URB1: variants seen among roughly 807,000 people sequenced by gnomAD.
The protein encoded by URB1 is URB1 ribosome biogenesis factor.
In URB1, 197 loss-of-function variants were observed where a neutral mutation model predicts 242.3. The observed-to-expected ratio is 0.81, with a 90% CI of 0.72 to 0.91. URB1 has a LOEUF of 0.91. URB1 is among the 40% of genes least tolerant of loss of function. The pLI, the probability that URB1 is intolerant of heterozygous loss-of-function variation, is 0.00. For missense variants in URB1, 2,721 were observed against 2,860.5 expected, an observed-to-expected ratio of 0.95 and a Z score of 1.11; for synonymous variants, 1,153 against 1,201.8, an observed-to-expected ratio of 0.96 and a Z score of 0.84.
At chr21:32,383,963 T>A (rs2033554191) in intron 3 of URB1, among the ~76,000 whole-genome samples, 1 of 152,194 alleles carries the variant, frequency 6.6e-6, no homozygotes, top group Non-Finnish European at 1.5e-5. Context: ...TCTGAGCACC[T>A]GCTACATGCA....
intron 26 of URB1, among the ~76,000 whole-genome samples, chr21:32,337,821 C>T (rs1282616338): frequency 6.6e-6 from 1 of 151,928 alleles, no homozygotes; most frequent in Admixed American, 6.6e-5. Context: ...CCGCGCCCAG[C>T]CCCCCACGTG....
intron 9 of URB1, among the ~76,000 whole-genome samples, chr21:32,367,477 T>C (rs544243374): frequency 4.6e-5 from 7 of 152,178 alleles, no homozygotes; most frequent in Non-Finnish European, 1.0e-4. Context: ...GTTTTATAGA[T>C]AATGCCAGGC....
intron 35 of URB1, 27 bp downstream of exon 35, chr21:32,320,504 C>G (rs906786873): frequency 2.6e-5 from 38 of 1,481,298 alleles, no homozygotes; most frequent in Non-Finnish European, 3.4e-5. Context: ...CCACCTGACG[C>G]GCACCTCGCA....
chr21:32,349,322 C>T lies in URB1; in HGVS notation c.2994G>A (p.Leu998=). The T allele has an allele frequency of 6.5e-7, 1 of 1,546,106 alleles. No individual in the cohort carries two copies. The highest frequency in any genetic ancestry group is 8.7e-7 in the Non-Finnish European group (1 of 1,144,338). The change falls in exon 21 of 39, where the codon CTG becomes CTA. Residue 998 remains leucine (L), a synonymous_variant. Coordinates refer to ENST00000382751, the MANE Select transcript of URB1 (RefSeq NM_014825.3). ...LFLDMESVAS[L]ELANDQTLEE... is the part of the protein sequence containing the mutation. ...GCGGTACCTGATCATTGGCCAACTC[C>T]AGCGAGGCCACGGACTCCATGTCCA...
At chr21:32,348,366 T>TA (rs2033118609) in intron 21 of URB1, among the ~76,000 whole-genome samples, 1 of 152,130 alleles carries the variant, frequency 6.6e-6, no homozygotes, top group Non-Finnish European at 1.5e-5. Context: ...ACCGTGTGTC[T>TA]ACGATCCTGA....
chr21:32,318,870 A>C (rs2032726038), intron 36 of URB1, among the ~76,000 whole-genome samples: 2 of 152,214 alleles, frequency 1.3e-5, no homozygotes, highest in Non-Finnish European at 2.9e-5. Flanking sequence ...TCTTTCTAAG[A>C]AACATCACTT....
intron 21 of URB1, among the ~76,000 whole-genome samples, chr21:32,348,107 G>A (rs138122755): frequency 1.3e-5 from 2 of 152,336 alleles, no homozygotes; most frequent in African/African-American, 4.8e-5. Context: ...TTGCGAGCAC[G>A]TGTCTGAAGA....
At chr21:32,345,258 T>C in intron 23 of URB1, 116 bp downstream of exon 23, 3 of 1,147,684 alleles carry the variant, frequency 2.6e-6, no homozygotes, top group Non-Finnish European at 3.7e-6. Context: ...AGGAACTGCC[T>C]GATCACAGAT....
intron 30 of URB1, among the ~76,000 whole-genome samples, chr21:32,329,858 G>A (rs2032873290): frequency 6.6e-6 from 1 of 152,192 alleles, no homozygotes; most frequent in Admixed American, 6.5e-5. Flanking sequence ...TCTCACAAAT[G>A]TAACATGGGA....
At chr21:32,340,694 A>G (rs2033019757) in intron 25 of URB1, among the ~76,000 whole-genome samples, 2 of 152,214 alleles carry the variant, frequency 1.3e-5, no homozygotes, top group African/African-American at 4.8e-5. Flanking sequence ...CCACACTAAA[A>G]GCTAGTAAGT....
chr21:32,380,149 A>G (rs1484582247), intron 4 of URB1, among the ~76,000 whole-genome samples: 1 of 152,112 alleles, frequency 6.6e-6, no homozygotes, highest in Non-Finnish European at 1.5e-5. Flanking sequence ...TCAGGGTGCA[A>G]GGACCATACT....
chr21:32,325,566 T>C (rs1218660599), intron 30 of URB1, among the ~76,000 whole-genome samples, 177 bp from the exon 31 acceptor site: 1 of 152,216 alleles, frequency 6.6e-6, no homozygotes, highest in Admixed American at 6.5e-5. Flanking sequence ...AAAAAACCTC[T>C]TCCTTTATGT....
intron 24 of URB1, among the ~76,000 whole-genome samples, chr21:32,342,817 C>T (rs548045398): frequency 6.6e-6 from 1 of 152,144 alleles, no homozygotes; most frequent in East Asian, 1.9e-4. Context: ...ACATAAATGG[C>T]CAAGTGTGCA....
At position 32,352,805 on chromosome 21, in the gene URB1, G is replaced by T. The variant is rs773405856; in HGVS notation, c.2518C>A (p.Leu840Ile). The part of the protein sequence containing the change: ...LCLLLQAYDK[L>I]EPPCLVPCCQ... ...CAAGGCACCAGGCATGGAGGCTCAA[G>T]CTTATCATATGCCTGGAGCAGGAGA... is the stretch of plus-strand genomic sequence containing the variant. The change falls in exon 19 of 39, where the codon CTT becomes ATT. Residue 840 changes from leucine (L) to isoleucine (I), a missense_variant. By Grantham distance (5) the Leu-to-Ile change is conservative (BLOSUM62 2). Transcript: ENST00000382751. 3 of 1,551,608 alleles carry T rather than the reference G, an allele frequency of 1.9e-6. No homozygotes were observed. The highest frequency in any genetic ancestry group is 2.7e-5 in the African/African-American group (2 of 73,038).
rs1163967014 is a variant in URB1, at chr21:32,392,785, CG to C, written c.125del (p.Pro42ArgfsTer31). ...CGGACTCACCTGGCCCGGGGCCCTG[CG>C]GGTCCTTCAGCTGAGCCTTGAACCG... is the stretch of plus-strand genomic sequence containing the variant. ...GVRFKAQLKD[P>X]QGPGPGLEAF... On this transcript the variant is annotated frameshift_variant, in exon 1 of 39. Coordinates refer to ENST00000382751, the MANE Select transcript of URB1 (RefSeq NM_014825.3). LOFTEE classifies it high-confidence loss of function. The C allele has an allele frequency of 6.7e-7, 1 of 1,489,804 alleles. No homozygotes were observed. The highest frequency in any genetic ancestry group is 2.6e-5 in the East Asian group (1 of 37,774). The allele number at this position is 1,489,804 out of a possible 1,614,324, so 92.3% of individuals were successfully genotyped here.
Position 32,347,380 on chromosome 21 carries a change from T to A in URB1, c.3444A>T (p.Arg1148Ser). Residue 1148 changes from arginine to serine, a missense_variant, in exon 22 of 39, where the codon AGA (arginine) becomes AGT (serine). Physicochemically the swap from Arg to Ser is moderately radical, Grantham distance 110. Coordinates refer to ENST00000382751, the MANE Select transcript of URB1 (RefSeq NM_014825.3). The part of the protein sequence containing the change: ...QQPTKSPGKE[R>S]HLNALGKTLV... Reference sequence around the variant, plus strand: ...GGGTCTTTCCAAGAGCATTCAGGTGTCTTTCCTTCCCGGGGGATTTCGTGG... The same window carrying A: ...GGGTCTTTCCAAGAGCATTCAGGTGACTTTCCTTCCCGGGGGATTTCGTGG... The A allele has an allele frequency of 6.4e-7, 1 of 1,551,434 alleles. No individual in the cohort carries two copies.
Position 32,350,917 on chromosome 21 carries a change from C to G in URB1, c.2619G>C (p.Leu873=). The stretch of plus-strand genomic sequence containing the variant: ...GGGGCGAGGGGCTGCCCTGTGCCTG[C>G]AGCAGCTGAGGGAGACAGCAAAAGG... ...IPEQAREAWL[L]QAQGSPSPPA... is the part of the protein sequence containing the mutation. The change falls in exon 20 of 39, where the codon CTG becomes CTC. Residue 873 remains leucine (L), a synonymous_variant. Coordinates refer to ENST00000382751, the MANE Select transcript of URB1 (RefSeq NM_014825.3). The G allele has an allele frequency of 6.5e-7, 1 of 1,545,352 alleles. No individual in the cohort carries two copies.
chr21:32,324,269 C>T (rs549541133), intron 32 of URB1, among the ~76,000 whole-genome samples: 142 of 152,332 alleles, frequency 9.3e-4, no homozygotes, highest in Non-Finnish European at 1.1e-3. Context: ...TTCTGGATTT[C>T]ACCCCCCAGG....
Position 32,383,488 on chromosome 21 carries a change from G to C in URB1, c.501C>G (p.Asp167Glu). Residue 167 changes from aspartate (D) to glutamate (E), a missense_variant, in exon 4 of 39, where the codon GAC becomes GAG. Coordinates refer to ENST00000382751, the MANE Select transcript of URB1 (RefSeq NM_014825.3). ...MVTQGPEAAR[D>E]VCSHFDLNKK... ...TATTCAAATCAAAATGGCTGCAGAC[G>C]TCCCTGGCAGCTTCCGGACCCTGGG... 6.4e-7 allele frequency: 1 copy of C among 1,551,538 alleles called. No individual in the cohort carries two copies. Among genetic ancestry groups the C allele is most frequent in the Non-Finnish European group, 8.7e-7 (1 of 1,146,936 alleles).
Sources: allele counts gnomAD v4.1 joint callset (sites outside exome capture counted in the v4.1 genomes callset), GRCh38; gene constraint gnomAD v4.1.1; transcripts MANE v1.5; gene names NCBI Gene and HGNC (gene_info 2026-07-23, HGNC 2026-07-21).